Variants in ZNF461 observed in about 807,000 individuals in gnomAD.
The protein encoded by ZNF461 is zinc finger protein 461.
Under a neutral mutation model 18.3 loss-of-function variants are expected in ZNF461, and 16 were observed. That is an observed-to-expected ratio of 0.88 (90% confidence interval 0.59 to 1.33). The LOEUF is 1.33. ZNF461 is among the 40% of genes most tolerant of loss of function. The probability of loss-of-function intolerance (pLI) is 0.00; values close to 1 mark genes in which losing one functional copy is unlikely to be tolerated. For missense variants in ZNF461, 595 were observed against 669.9 expected (o/e 0.89, Z 1.23); for synonymous variants, 179 against 216.9 (o/e 0.83, Z 1.54).
intron 5 of ZNF461, 73 bp downstream of exon 5, chr19:36,643,721 T>C (rs1204767946): frequency 7.1e-7 from 1 of 1,407,278 alleles, no homozygotes; most frequent in African/African-American, 1.5e-5. Flanking sequence ...GGAATAAACA[T>C]GTACTTTCAG....
intron 2 of ZNF461, among the ~76,000 whole-genome samples, chr19:36,663,906 A>C (rs2037859558): frequency 6.6e-6 from 1 of 152,064 alleles, no homozygotes; most frequent in African/African-American, 2.4e-5. Context: ...ACTATACATA[A>C]GTTATTTTCT....
rs184619309 is a variant in ZNF461, at chr19:36,637,825, T to C, written c.*828A>G. 1.2e-4 allele frequency: 51 copies of C among 433,392 alleles called. No individual in the cohort carries two copies. The East Asian group carries it at 3.3e-3, about 28-fold the overall frequency. The allele number at this position is 433,392 out of a possible 1,614,324, so 26.8% of individuals were successfully genotyped here. A position where few individuals can be genotyped will look rare whatever the true frequency, so the allele number is the denominator to read the frequency against. On this transcript the variant is annotated 3_prime_UTR_variant, in exon 6 of 6. Transcript: ENST00000588268. ...TCCCGTTAGAATAAAAGGAAACTGA[T>C]AGCAGTTGTTGCATCTGTGGAAAGT...
chr19:36,653,912 G>C (rs2037671593), intron 4 of ZNF461, among the ~76,000 whole-genome samples: 1 of 152,148 alleles, frequency 6.6e-6, no homozygotes, highest in African/African-American at 2.4e-5. Flanking sequence ...GTGACACAAG[G>C]CTACATGTGA....
At chr19:36,646,287 C>T (rs1459157517) in intron 4 of ZNF461, among the ~76,000 whole-genome samples, 3 of 151,616 alleles carry the variant, frequency 2.0e-5, no homozygotes, top group Non-Finnish European at 2.9e-5. Flanking sequence ...TGTGCCACCA[C>T]GCCCGGCTAA....
rs1568636768 is a variant in ZNF461 at position 36,637,077 on chromosome 19, C to G, written c.*1576G>C. ...CCAGTTTATGCAGGCACTCCACAAG[C>G]CCTTTTCCCAACAGTTCTACCAAAA... On this transcript the variant is annotated 3_prime_UTR_variant, in exon 6 of 6. Coordinates refer to ENST00000588268, the MANE Select transcript of ZNF461 (RefSeq NM_153257.5). 6.6e-6 allele frequency: 1 copy of G among 152,204 alleles called. No homozygotes were observed. The highest frequency in any genetic ancestry group is 1.5e-5 in the Non-Finnish European group (1 of 68,040). 9.4% of individuals were successfully genotyped at this position (152,204 alleles called of 1,614,324 possible). A position where few individuals can be genotyped will look rare whatever the true frequency, so the allele number is the denominator to read the frequency against.
intron 4 of ZNF461, among the ~76,000 whole-genome samples, chr19:36,654,905 T>G (rs2037689898): frequency 6.6e-6 from 1 of 152,226 alleles, no homozygotes. Flanking sequence ...ATCCATGTAT[T>G]GTTGATCCCC....
chr19:36,664,971 T>G (rs1022640627), intron 1 of ZNF461, among the ~76,000 whole-genome samples, 185 bp from the exon 2 acceptor site: 7 of 152,258 alleles, frequency 4.6e-5, no homozygotes, highest in Non-Finnish European at 1.0e-4. Context: ...ATGAGGAAAC[T>G]CAGCTACAGC....
intron 3 of ZNF461, 29 bp from the exon 4 acceptor site, chr19:36,656,572 G>T: frequency 1.3e-6 from 2 of 1,550,560 alleles, no homozygotes; most frequent in Non-Finnish European, 1.8e-6. Context: ...ATTGAGATGA[G>T]ATGGAAATGA....
intron 4 of ZNF461, among the ~76,000 whole-genome samples, chr19:36,654,070 G>A (rs1057410797): frequency 6.6e-6 from 1 of 152,056 alleles, no homozygotes; most frequent in Non-Finnish European, 1.5e-5. Flanking sequence ...CCTGGGGGAA[G>A]CTGCAAAGGG....
Position 36,639,123 on chromosome 19 carries a change from A to G in ZNF461, c.1222T>C (p.Ser408Pro), listed in dbSNP as rs1186965375. The G allele has an allele frequency of 6.2e-7, 1 of 1,610,642 alleles. No individual in the cohort carries two copies. Among genetic ancestry groups the G allele is most frequent in the Non-Finnish European group, 8.5e-7 (1 of 1,179,198 alleles). Residue 408 changes from serine to proline, a missense_variant, in exon 6 of 6, where the codon TCT (serine) becomes CCT (proline). Physicochemically the swap from Ser to Pro is moderately conservative, Grantham distance 74. Transcript: ENST00000588268. ...SSFSHHQKIHSGKKPYECHEC... is the reference protein window; with the variant it reads ...SSFSHHQKIHPGKKPYECHEC... Reference sequence around the variant, plus strand: ...TGACATTCATAAGGTTTCTTGCCAGAATGAATTTTCTGATGGTGTGAGAAG... The same window carrying G: ...TGACATTCATAAGGTTTCTTGCCAGGATGAATTTTCTGATGGTGTGAGAAG...
chr19:36,642,721 CACAGAAGT>C (rs1216225868), intron 5 of ZNF461, among the ~76,000 whole-genome samples: 1 of 135,678 alleles, frequency 7.4e-6, no homozygotes, highest in Non-Finnish European at 1.5e-5. Flanking sequence ...GTCACAGAAG[CACAGAAGT>C]GGCAGACATG....
chr19:36,646,266 G>A (rs2037526420), intron 4 of ZNF461, among the ~76,000 whole-genome samples: 2 of 152,132 alleles, frequency 1.3e-5, no homozygotes, highest in East Asian at 3.9e-4. Context: ...CAGTAGCTGG[G>A]ATTACAGGCG....
chr19:36,644,362 AG>A (rs1164199580), intron 4 of ZNF461, among the ~76,000 whole-genome samples: 2 of 150,104 alleles, frequency 1.3e-5, no homozygotes, highest in Non-Finnish European at 3.0e-5. Context: ...TCCACTTCCC[AG>A]GTTCAAGCGA....
At chr19:36,650,025 A>G (rs1448554218) in intron 4 of ZNF461, among the ~76,000 whole-genome samples, 2 of 152,110 alleles carry the variant, frequency 1.3e-5, no homozygotes, top group Non-Finnish European at 2.9e-5. Flanking sequence ...AAATACAAAA[A>G]TTAGCCAGGC....
intron 5 of ZNF461, among the ~76,000 whole-genome samples, chr19:36,641,977 G>T (rs1010122508): frequency 3.9e-5 from 6 of 152,060 alleles, no homozygotes; most frequent in African/African-American, 1.4e-4. Context: ...GAGAGTGAGC[G>T]CAGTGGTGCA....
At chr19:36,653,768 C>A (rs906150989) in intron 4 of ZNF461, among the ~76,000 whole-genome samples, 7 of 152,106 alleles carry the variant, frequency 4.6e-5, no homozygotes, top group African/African-American at 1.7e-4. Flanking sequence ...TGGCAGCCTA[C>A]AATTCAAGAT....
intron 1 of ZNF461, among the ~76,000 whole-genome samples, chr19:36,665,687 T>G (rs1600454378): frequency 9.5e-6 from 1 of 105,430 alleles, no homozygotes; most frequent in Non-Finnish European, 1.7e-5. Flanking sequence ...CCAGCCACGG[T>G]GAAAGAGAGA....
intron 2 of ZNF461, among the ~76,000 whole-genome samples, chr19:36,661,043 G>T (rs1453864390): frequency 6.6e-6 from 1 of 152,114 alleles, no homozygotes; most frequent in South Asian, 2.1e-4. Flanking sequence ...AGCCACTGCA[G>T]GGAGGCAGGA....
chr19:36,654,210 T>C lies in ZNF461; in HGVS notation c.232+2238A>G, dbSNP rs114521194. On this transcript the variant is annotated intron_variant, in intron 4 of 5. Coordinates refer to ENST00000588268, the MANE Select transcript of ZNF461 (RefSeq NM_153257.5). Reference sequence around the variant, plus strand: ...GCCTACCCAGGTATAAAAAAACTGGTAAAGGAATGTTATCTTTACATTAAA... The same window carrying C: ...GCCTACCCAGGTATAAAAAAACTGGCAAAGGAATGTTATCTTTACATTAAA... Among the ~76,000 whole-genome samples the C allele has an allele frequency of 7.2e-3, 1,102 of 152,286 alleles. 18 individuals carry two copies. The highest frequency in any genetic ancestry group is 0.026 in the African/African-American group (1,063 of 41,562).
Sources: gnomAD v4.1 joint callset for allele counts (sites outside exome capture counted in the v4.1 genomes callset) on GRCh38, gnomAD v4.1.1 for gene constraint, MANE v1.5 for transcripts, NCBI Gene and HGNC (gene_info 2026-07-23, HGNC 2026-07-21) for gene names.